The following THRB variants were observed in gnomAD, a reference collection of about 807,000 sequenced individuals.
THRB encodes the protein thyroid hormone receptor beta, also known as nuclear receptor subfamily 1 group A member 2.
A neutral mutation model predicts 47.8 loss-of-function variants in THRB; 12 were observed. The observed-to-expected ratio is 0.25, with a 90% CI of 0.16 to 0.41. The LOEUF is 0.41. THRB is among the 10% of genes least tolerant of loss of function. The pLI is 1.00. For synonymous variants in THRB, 218 were observed against 212.2 expected (o/e 1.03, Z -0.24); for missense variants, 348 against 589.2 (o/e 0.59, Z 4.24).
intron 5 of THRB, among the ~76,000 whole-genome samples, chr3:24,154,949 G>C (rs1253341719): frequency 2.0e-5 from 3 of 152,168 alleles, no homozygotes; most frequent in Non-Finnish European, 4.4e-5. Context: ...TGCTGTACTT[G>C]TGGGACATGA....
chr3:24,441,716 C>T (rs2071543844), intron 1 of THRB, among the ~76,000 whole-genome samples: 1 of 152,162 alleles, frequency 6.6e-6, no homozygotes, highest in Non-Finnish European at 1.5e-5. Flanking sequence ...ACACCTTGCC[C>T]TGTTGCCCTT....
intron 1 of THRB, among the ~76,000 whole-genome samples, chr3:24,337,919 A>G (rs1277557982): frequency 6.6e-6 from 1 of 152,208 alleles, no homozygotes; most frequent in Non-Finnish European, 1.5e-5. Flanking sequence ...TGCTAAATGC[A>G]ATCATATGGT....
chr3:24,315,455 C>G (rs2058050598), intron 2 of THRB, among the ~76,000 whole-genome samples: 1 of 152,224 alleles, frequency 6.6e-6, no homozygotes, highest in South Asian at 2.1e-4. Context: ...CCTGTGGTGA[C>G]TGACGCTTGG....
At chr3:24,261,298 C>G (rs189353440) in intron 3 of THRB, among the ~76,000 whole-genome samples, 1 of 151,954 alleles carries the variant, frequency 6.6e-6, no homozygotes, top group African/African-American at 2.4e-5. Context: ...GGCAAGAGAT[C>G]GAGACCATTC....
chr3:24,436,680 C>T (rs1035893792), intron 1 of THRB, among the ~76,000 whole-genome samples: 2 of 152,152 alleles, frequency 1.3e-5, no homozygotes, highest in African/African-American at 4.8e-5. Flanking sequence ...CTGAGGAATG[C>T]ATTTCTATGC....
chr3:24,186,433 G>A (rs965112186), intron 5 of THRB, among the ~76,000 whole-genome samples: 5 of 151,862 alleles, frequency 3.3e-5, no homozygotes, highest in South Asian at 2.1e-4. Flanking sequence ...TGGAAAGAGC[G>A]GGTGTGGGTG....
chr3:24,480,001 A>G (rs1696122836), intron 1 of THRB, among the ~76,000 whole-genome samples: 2 of 152,194 alleles, frequency 1.3e-5, no homozygotes, highest in South Asian at 2.1e-4. Flanking sequence ...GGTCAACCAC[A>G]AGACAAGCAT....
In THRB at chr3:24,298,644, CAGATA is replaced by C. The variant is rs2056647112; in HGVS notation, c.-188-1278_-188-1274del. On this transcript the variant is annotated intron_variant, in intron 2 of 10. Coordinates refer to ENST00000646209, the MANE Select transcript of THRB (RefSeq NM_001354712.2). ...CCCTAAGCCTTGTAACAACTCTGTACAGATAAGAATTATCGTCATCTCTACTTAAC... is the reference window on the plus strand; with the variant it reads ...CCCTAAGCCTTGTAACAACTCTGTACAGAATTATCGTCATCTCTACTTAAC... 2.6e-5 allele frequency among the ~76,000 whole-genome samples: 4 copies of C among 152,288 alleles called. No individual in the cohort carries two copies. In the South Asian group the frequency reaches 8.3e-4, roughly 32 times the overall value.
chr3:24,294,453 A>C (rs1241707997), intron 3 of THRB, among the ~76,000 whole-genome samples: 1 of 152,236 alleles, frequency 6.6e-6, no homozygotes, highest in African/African-American at 2.4e-5. Flanking sequence ...GTATGAGCCC[A>C]TGACCCAATT....
At chr3:24,402,723 C>G (rs2067517925) in intron 1 of THRB, among the ~76,000 whole-genome samples, 1 of 151,796 alleles carries the variant, frequency 6.6e-6, no homozygotes, top group African/African-American at 2.4e-5. Flanking sequence ...AGCTGTTATC[C>G]AGGTTCTCAG....
chr3:24,373,890 C>T (rs554540596), intron 1 of THRB, among the ~76,000 whole-genome samples: 3 of 152,182 alleles, frequency 2.0e-5, no homozygotes, highest in African/African-American at 7.2e-5. Context: ...ATAAGGCAAA[C>T]GCTAAGCTAT....
chr3:24,267,331 G>A (rs1285464671), intron 3 of THRB, among the ~76,000 whole-genome samples: 1 of 148,554 alleles, frequency 6.7e-6, no homozygotes, highest in Non-Finnish European at 1.5e-5. Flanking sequence ...AAATATAATA[G>A]AAAATGTATG....
chr3:24,327,176 A>C (rs2149345213), intron 2 of THRB, among the ~76,000 whole-genome samples: 1 of 152,298 alleles, frequency 6.6e-6, no homozygotes, highest in East Asian at 1.9e-4. Flanking sequence ...GTTTAGAATA[A>C]AATCGGTAAT....
At chr3:24,343,784 G>A (rs2062834744) in intron 1 of THRB, among the ~76,000 whole-genome samples, 1 of 151,620 alleles carries the variant, frequency 6.6e-6, no homozygotes, top group South Asian at 2.1e-4. Flanking sequence ...CTGCTGTAAG[G>A]CATTTTCTAG....
At chr3:24,300,734 T>C (rs1505306) in intron 2 of THRB, among the ~76,000 whole-genome samples, 19,358 of 152,224 alleles carry the variant, frequency 0.13, 1,331 homozygotes, top group South Asian at 0.21. Context: ...ATTTTTTAAA[T>C]CTGTAATACA....
intron 5 of THRB, among the ~76,000 whole-genome samples, chr3:24,156,121 T>C (rs2037792759): frequency 6.6e-6 from 1 of 152,258 alleles, no homozygotes; most frequent in African/African-American, 2.4e-5. Flanking sequence ...CTAAGTATTA[T>C]CTTGAATATC....
At chr3:24,294,350 G>T (rs1217905357) in intron 3 of THRB, among the ~76,000 whole-genome samples, 1 of 152,062 alleles carries the variant, frequency 6.6e-6, no homozygotes, top group Non-Finnish European at 1.5e-5. Flanking sequence ...AATCATGAGA[G>T]GTAAAAAATA....
chr3:24,124,094 T>A (rs555112673), intron 10 of THRB, among the ~76,000 whole-genome samples: 1 of 152,322 alleles, frequency 6.6e-6, no homozygotes, highest in African/African-American at 2.4e-5. Flanking sequence ...GTGGCTCTGA[T>A]CAAATGAATT....
chr3:24,490,268 C>T (rs755375818), intron 1 of THRB, among the ~76,000 whole-genome samples: 2 of 152,192 alleles, frequency 1.3e-5, no homozygotes, highest in Non-Finnish European at 2.9e-5. Flanking sequence ...AAGGAGTTAA[C>T]TTGCCATCCA....
Sources: allele counts gnomAD v4.1 joint callset (sites outside exome capture counted in the v4.1 genomes callset), GRCh38; gene constraint gnomAD v4.1.1; transcripts MANE v1.5; gene names NCBI Gene and HGNC (gene_info 2026-07-23, HGNC 2026-07-21).